Variants in DENND1A observed in about 807,000 individuals in gnomAD.
The protein encoded by DENND1A is DENN domain containing 1A, also known as DENN domain-containing protein 1A.
A neutral mutation model predicts 113.7 loss-of-function variants in DENND1A; 51 were observed. The ratio of observed to expected loss-of-function variants is 0.45; its 90% CI spans 0.36 to 0.57. DENND1A has a LOEUF of 0.57. Among genes scored for constraint, DENND1A ranks in the 20% least tolerant of loss-of-function variants. The probability of loss-of-function intolerance (pLI) is 0.00; values close to 1 mark genes in which losing one functional copy is unlikely to be tolerated. For synonymous variants in DENND1A, 565 were observed against 570.8 expected (o/e 0.99, Z 0.14); for missense variants, 1,258 against 1,395.9 (o/e 0.90, Z 1.57).
At chr9:123,571,046 C>T (rs930266942) in intron 12 of DENND1A, among the ~76,000 whole-genome samples, 5 of 152,048 alleles carry the variant, frequency 3.3e-5, no homozygotes, top group African/African-American at 1.2e-4. Flanking sequence ...TGGAACATAG[C>T]AAGGTATAAG....
chr9:123,558,688 T>A (rs543162790), intron 12 of DENND1A, among the ~76,000 whole-genome samples: 2 of 152,208 alleles, frequency 1.3e-5, no homozygotes, highest in Non-Finnish European at 2.9e-5. Flanking sequence ...AAAGACTGTG[T>A]GACATGGTGG....
At chr9:123,883,610 T>C (rs1198402979) in intron 1 of DENND1A, among the ~76,000 whole-genome samples, 2 of 152,176 alleles carry the variant, frequency 1.3e-5, no homozygotes, top group Non-Finnish European at 2.9e-5. Context: ...TTCTTCCAGA[T>C]AATTTAGAAT....
At chr9:123,553,405 C>T (rs540316140) in intron 13 of DENND1A, among the ~76,000 whole-genome samples, 10 of 151,488 alleles carry the variant, frequency 6.6e-5, no homozygotes, top group Non-Finnish European at 1.2e-4. Context: ...AAGCCGCCCC[C>T]CCCCCGCTCC....
intron 13 of DENND1A, among the ~76,000 whole-genome samples, chr9:123,548,335 G>A (rs189003160): frequency 3.7e-3 from 563 of 152,228 alleles, no homozygotes; most frequent in Admixed American, 9.5e-3. Context: ...GCTTAGCTCC[G>A]GCCTGTAGGT....
chr9:123,702,880 T>A (rs1042694905), intron 5 of DENND1A, among the ~76,000 whole-genome samples: 2 of 151,978 alleles, frequency 1.3e-5, no homozygotes, highest in African/African-American at 4.8e-5. Context: ...AAAGTAAGTA[T>A]ACAGTCAAAT....
At chr9:123,406,353 G>C (rs2043852352) in intron 20 of DENND1A, among the ~76,000 whole-genome samples, 1 of 152,242 alleles carries the variant, frequency 6.6e-6, no homozygotes. Flanking sequence ...GTCCCCCCAA[G>C]GGGTCTGGTA....
chr9:123,546,332 A>G (rs1251345482), intron 13 of DENND1A, among the ~76,000 whole-genome samples: 3 of 151,934 alleles, frequency 2.0e-5, no homozygotes, highest in Non-Finnish European at 2.9e-5. Context: ...GCAGATCACC[A>G]GGTCAGGAGA....
intron 2 of DENND1A, among the ~76,000 whole-genome samples, chr9:123,853,970 G>T (rs1237255986): frequency 6.6e-6 from 1 of 152,054 alleles, no homozygotes; most frequent in Non-Finnish European, 1.5e-5. Flanking sequence ...AAAAATATAT[G>T]TATCATCACC....
At chr9:123,590,872 A>G (rs1471405415) in intron 11 of DENND1A, among the ~76,000 whole-genome samples, 1 of 152,216 alleles carries the variant, frequency 6.6e-6, no homozygotes, top group Non-Finnish European at 1.5e-5. Flanking sequence ...AGCCAACCAT[A>G]CAAGGTAAGA....
At chr9:123,831,019 CTA>C (rs937455273) in intron 2 of DENND1A, among the ~76,000 whole-genome samples, 1 of 150,244 alleles carries the variant, frequency 6.7e-6, no homozygotes, top group African/African-American at 2.4e-5. Context: ...GGAAATAAAA[CTA>C]TTATTTGCAG....
At chr9:123,827,197 C>T (rs1251120965) in intron 2 of DENND1A, among the ~76,000 whole-genome samples, 2 of 151,964 alleles carry the variant, frequency 1.3e-5, no homozygotes, top group South Asian at 2.1e-4. Context: ...CACATATACA[C>T]CCACATCACA....
intron 13 of DENND1A, among the ~76,000 whole-genome samples, chr9:123,550,084 A>C (rs1344792041): frequency 6.6e-6 from 1 of 152,222 alleles, no homozygotes; most frequent in Non-Finnish European, 1.5e-5. Flanking sequence ...ATCTGCTTTT[A>C]TCTCAACTTC....
chr9:123,401,802 G>A (rs745663262), intron 21 of DENND1A: 19 of 1,614,048 alleles, frequency 1.2e-5, no homozygotes, highest in African/African-American at 6.7e-5. Flanking sequence ...GAAAAGCAAC[G>A]GCGTAAGTCA....
At chr9:123,853,461 C>T (rs1374113274) in intron 2 of DENND1A, among the ~76,000 whole-genome samples, 10 of 151,560 alleles carry the variant, frequency 6.6e-5, no homozygotes, top group East Asian at 3.9e-4. Context: ...TTCAGGAGTT[C>T]GAGACCAGCC....
At chr9:123,738,811 C>T (rs924660596) in intron 5 of DENND1A, among the ~76,000 whole-genome samples, 69 of 152,310 alleles carry the variant, frequency 4.5e-4, no homozygotes, top group African/African-American at 1.6e-3. Flanking sequence ...TAATATTTAT[C>T]TGGGGACAAC....
At chr9:123,426,233 C>T (rs913898357) in intron 19 of DENND1A, among the ~76,000 whole-genome samples, 5 of 152,124 alleles carry the variant, frequency 3.3e-5, no homozygotes, top group Admixed American at 6.5e-5. Context: ...GTGCCACATT[C>T]GGGAGGCTGC....
chr9:123,897,527 A>C (rs554295560), intron 1 of DENND1A, among the ~76,000 whole-genome samples: 1 of 152,298 alleles, frequency 6.6e-6, no homozygotes, highest in East Asian at 1.9e-4. Flanking sequence ...CAGACTACAT[A>C]CACAATCATG....
intron 13 of DENND1A, chr9:123,492,868 A>G (rs1382734025): frequency 2.0e-5 from 3 of 152,172 alleles, no homozygotes; most frequent in Non-Finnish European, 4.4e-5. Context: ...TAGCCTGGTA[A>G]TAGGAGGGAA....
intron 13 of DENND1A, among the ~76,000 whole-genome samples, chr9:123,540,574 C>A (rs1455573244): frequency 6.6e-6 from 1 of 152,178 alleles, no homozygotes; most frequent in Non-Finnish European, 1.5e-5. Context: ...GTGATGAGTT[C>A]CTTTGAGCCC....
Sources: gnomAD v4.1 joint callset for allele counts (sites outside exome capture counted in the v4.1 genomes callset) on GRCh38, gnomAD v4.1.1 for gene constraint, MANE v1.5 for transcripts, NCBI Gene and HGNC (gene_info 2026-07-23, HGNC 2026-07-21) for gene names.